The following SOX13 variants were observed in gnomAD, a reference collection of about 807,000 sequenced individuals.
SOX13 encodes the protein transcription factor SOX-13.
Under a neutral mutation model 71.8 loss-of-function variants are expected in SOX13, and 28 were observed. That is an observed-to-expected ratio of 0.39 (90% confidence interval 0.29 to 0.53). SOX13 has a LOEUF of 0.53. SOX13 is among the 20% of genes least tolerant of loss of function. The probability of loss-of-function intolerance (pLI) is 0.70; values close to 1 mark genes in which losing one functional copy is unlikely to be tolerated. For missense variants in SOX13, 627 were observed against 810.3 expected, an observed-to-expected ratio of 0.77 and a Z score of 2.75; for synonymous variants, 309 against 317.8, an observed-to-expected ratio of 0.97 and a Z score of 0.29.
chr1:204,112,913 A>G lies in SOX13; in HGVS notation c.-1-2A>G, dbSNP rs1041718744. 1.2e-6 allele frequency: 2 copies of G among 1,612,426 alleles called. No homozygotes were observed. The highest frequency in any genetic ancestry group is 1.7e-6 in the Non-Finnish European group (2 of 1,179,188). ...CCTCAGCTCACTCTGTCCCTCCCCC[A>G]GGATGTCCATGAGGAGCCCCATCTC... On this transcript the variant is annotated splice_acceptor_variant, in intron 1 of 13. Transcript: ENST00000367204. LOFTEE classifies it low-confidence loss of function (5UTR_SPLICE).
chr1:204,093,487 G>C (rs979406420), intron 1 of SOX13, among the ~76,000 whole-genome samples: 1 of 152,232 alleles, frequency 6.6e-6, no homozygotes, highest in Non-Finnish European at 1.5e-5. Flanking sequence ...GATGATGCCT[G>C]TGGGGCCTGA....
chr1:204,095,307 G>A (rs577837430), intron 1 of SOX13, among the ~76,000 whole-genome samples: 25 of 152,224 alleles, frequency 1.6e-4, no homozygotes, highest in African/African-American at 5.1e-4. Context: ...TCTTCTTGTC[G>A]TCTGGGTCCC....
intron 1 of SOX13, among the ~76,000 whole-genome samples, chr1:204,078,763 C>A (rs555553877): frequency 1.3e-5 from 2 of 152,338 alleles, no homozygotes; most frequent in East Asian, 1.9e-4. Flanking sequence ...TGACTACCCC[C>A]CTTTTGACTG....
chr1:204,083,997 C>G (rs540056920), intron 1 of SOX13, among the ~76,000 whole-genome samples: 1 of 152,256 alleles, frequency 6.6e-6, no homozygotes, highest in Middle Eastern at 3.4e-3. Flanking sequence ...TAGGTCCCCT[C>G]CACATCTCCC....
At chr1:204,084,635 C>T (rs1012450191) in intron 1 of SOX13, among the ~76,000 whole-genome samples, 6 of 152,122 alleles carry the variant, frequency 3.9e-5, no homozygotes, top group Admixed American at 1.3e-4. Context: ...GAACAGGTGT[C>T]TCAGGAGCTC....
At chr1:204,100,515 G>A (rs1534096) in intron 1 of SOX13, among the ~76,000 whole-genome samples, 79,752 of 151,802 alleles carry the variant, frequency 0.53, 21,276 homozygotes, top group East Asian at 0.65. Flanking sequence ...AGATTAAGCT[G>A]CTTCTCCCCT....
rs1366633404 is a variant in SOX13 at position 204,074,000 on chromosome 1, T to C, written c.-2+289T>C. 2 of 134,284 alleles carry C rather than the reference T, an allele frequency of 1.5e-5. No homozygotes were observed. The highest frequency in any genetic ancestry group is 2.3e-4 in the East Asian group (1 of 4,434). The allele number at this position is 134,284 out of a possible 1,614,324, so 8.3% of individuals were successfully genotyped here. ...TTGTGTGTGTGTGTGTGTGTGTGTGTACGCGCGCGCGCGCGCGCGTTCACC... is the reference window on the plus strand; with the variant it reads ...TTGTGTGTGTGTGTGTGTGTGTGTGCACGCGCGCGCGCGCGCGCGTTCACC... On this transcript the variant is annotated intron_variant, in intron 1 of 13. Transcript: ENST00000367204. The surrounding 1 kb of genome is among the most constrained non-coding windows in gnomAD (Gnocchi z 6.8).
chr1:204,085,428 T>C (rs1571566778), intron 1 of SOX13, among the ~76,000 whole-genome samples: 4 of 152,318 alleles, frequency 2.6e-5, no homozygotes, highest in Non-Finnish European at 1.5e-5. Context: ...GTCCCTCTTC[T>C]TGAGAGCATA....
intron 1 of SOX13, among the ~76,000 whole-genome samples, chr1:204,087,277 CT>C (rs1656044326): frequency 6.6e-6 from 1 of 152,230 alleles, no homozygotes; most frequent in Admixed American, 6.5e-5. Context: ...TGCCCATCAC[CT>C]GGGTAGATAA....
chr1:204,078,817 T>C (rs931322467), intron 1 of SOX13, among the ~76,000 whole-genome samples: 3 of 152,238 alleles, frequency 2.0e-5, no homozygotes, highest in Non-Finnish European at 4.4e-5. Flanking sequence ...GAGATTGCTA[T>C]AGGCCAGCTC....
At position 204,123,225 on chromosome 1, in the gene SOX13, A is replaced by G. The variant is rs201190009; in HGVS notation, c.1231+17A>G. The G allele has an allele frequency of 1.2e-4, 199 of 1,594,742 alleles. No individual in the cohort carries two copies. The African/African-American group carries it at 2.2e-3, about 18-fold the overall frequency. On this transcript the variant is annotated intron_variant, in intron 11 of 13. Transcript: ENST00000367204. This position sits in a 1 kb window ranked among gnomAD's most constrained non-coding sequence, Gnocchi z 5.0. ...ACATGGATGGTGAGGGCTCAGGCGCAGGGCTGATGCGCAGGAGGGCCCAAC... is the reference window on the plus strand; with the variant it reads ...ACATGGATGGTGAGGGCTCAGGCGCGGGGCTGATGCGCAGGAGGGCCCAAC...
chr1:204,110,122 G>A lies in SOX13; in HGVS notation c.-1-2793G>A, dbSNP rs1222645227. ...GCTGGAATTACAGGCATGAGCCGCC[G>A]CGTCTGGCCAGTTGTTATCATTTCT... is the stretch of plus-strand genomic sequence containing the variant. On this transcript the variant is annotated intron_variant, in intron 1 of 13. Coordinates refer to ENST00000367204, the MANE Select transcript of SOX13 (RefSeq NM_005686.3). 5.3e-5 allele frequency among the ~76,000 whole-genome samples: 8 copies of A among 151,960 alleles called. No individual in the cohort carries two copies. In the East Asian group the frequency reaches 9.7e-4, roughly 18 times the overall value.
In SOX13 at chr1:204,095,865, T is replaced by C. The variant is rs139012203; in HGVS notation, c.-1-17050T>C. 3.2e-3 allele frequency among the ~76,000 whole-genome samples: 482 copies of C among 152,308 alleles called. 1 individual carries two copies. Among genetic ancestry groups the C allele is most frequent in the African/African-American group, 0.011 (442 of 41,562 alleles). On this transcript the variant is annotated intron_variant, in intron 1 of 13. Coordinates refer to ENST00000367204, the MANE Select transcript of SOX13 (RefSeq NM_005686.3). The stretch of plus-strand genomic sequence containing the variant: ...TCCAGCCCTGTAACTCTATTCTACT[T>C]TCTGTCTCTATGAATTTAGCTGTTC...
At chr1:204,086,661 A>T (rs1233743980) in intron 1 of SOX13, among the ~76,000 whole-genome samples, 3 of 152,214 alleles carry the variant, frequency 2.0e-5, no homozygotes, top group Non-Finnish European at 1.5e-5. Flanking sequence ...TGTTAGAGTC[A>T]GAAAGTTTGG....
intron 1 of SOX13, among the ~76,000 whole-genome samples, chr1:204,092,207 T>C (rs1656160741): frequency 6.6e-6 from 1 of 151,992 alleles, no homozygotes; most frequent in African/African-American, 2.4e-5. Flanking sequence ...TTAAGTTTTT[T>C]TGTAGAAACA....
intron 1 of SOX13, among the ~76,000 whole-genome samples, chr1:204,088,168 C>T (rs1174312311): frequency 2.0e-5 from 3 of 152,188 alleles, no homozygotes; most frequent in African/African-American, 7.2e-5. Context: ...CCCTCATTTA[C>T]CTTCTCCTCC....
At chr1:204,101,214 C>A (rs1656353707) in intron 1 of SOX13, among the ~76,000 whole-genome samples, 1 of 152,162 alleles carries the variant, frequency 6.6e-6, no homozygotes, top group South Asian at 2.1e-4. Flanking sequence ...GGACCCATTT[C>A]TCCTGCCTCT....
chr1:204,122,975 C>T lies in SOX13; in HGVS notation c.1134+12C>T, dbSNP rs370439414. 2 of 1,558,052 alleles carry T rather than the reference C, an allele frequency of 1.3e-6. No homozygotes were observed. The highest frequency in any genetic ancestry group is 1.1e-5 in the South Asian group (1 of 86,972). ...CCCCCTTCCGTAAGGTATGGTCCCCCACTCCCTTGAGCCTAGGGGCAGCAA... is the reference window on the plus strand; with the variant it reads ...CCCCCTTCCGTAAGGTATGGTCCCCTACTCCCTTGAGCCTAGGGGCAGCAA... On this transcript the variant is annotated intron_variant, in intron 10 of 13. Transcript: ENST00000367204.
intron 1 of SOX13, among the ~76,000 whole-genome samples, chr1:204,086,544 G>A (rs1656024555): frequency 6.6e-6 from 1 of 152,064 alleles, no homozygotes; most frequent in African/African-American, 2.4e-5. Context: ...TTCGTGATCT[G>A]CCCGCCTCGG....
Sources: gnomAD v4.1 joint callset for allele counts (sites outside exome capture counted in the v4.1 genomes callset) on GRCh38, gnomAD v4.1.1 for gene constraint, Gnocchi (gnomAD v3.1) non-coding constraint, MANE v1.5 for transcripts, NCBI Gene and HGNC (gene_info 2026-07-23, HGNC 2026-07-21) for gene names.